NKAIN2: variants seen among roughly 807,000 people sequenced by gnomAD.
NKAIN2 encodes the protein sodium/potassium-transporting ATPase subunit beta-1-interacting protein 2.
Under a neutral mutation model 32.6 loss-of-function variants are expected in NKAIN2, and 14 were observed. The observed-to-expected ratio is 0.43, with a 90% CI of 0.28 to 0.67. The LOEUF (loss-of-function observed/expected upper bound fraction) is 0.67, where lower values mean the gene tolerates loss of function less well. Among genes scored for constraint, NKAIN2 ranks in the 30% least tolerant of loss-of-function variants. The pLI is 0.17. For synonymous variants in NKAIN2, 80 were observed against 87.2 expected (o/e 0.92, Z 0.46); for missense variants, 198 against 258.3 (o/e 0.77, Z 1.60).
chr6:124,779,314 GGGA>G (rs1779144932), intron 4 of NKAIN2, among the ~76,000 whole-genome samples: 1 of 79,556 alleles, frequency 1.3e-5, no homozygotes, highest in African/African-American at 6.3e-5. Flanking sequence ...GAGGGAGGGA[GGGA>G]GGGAAGGAAG....
Position 124,823,395 on chromosome 6 carries a change from CACA to C in NKAIN2, c.*167_*169del. 1.5e-6 allele frequency: 1 copy of C among 648,532 alleles called. No individual in the cohort carries two copies. Among genetic ancestry groups the C allele is most frequent in the Non-Finnish European group, 2.8e-6 (1 of 359,918 alleles). The allele number at this position is 648,532 out of a possible 1,614,324, so 40.2% of individuals were successfully genotyped here. A position where few individuals can be genotyped will look rare whatever the true frequency, so the allele number is the denominator to read the frequency against. On this transcript the variant is annotated 3_prime_UTR_variant, in exon 7 of 7. Transcript: ENST00000368417. ...TACAACACTGACACACACACACACACACACGTGAGCACGCACACACCAATTCCA... is the reference window on the plus strand; with the variant it reads ...TACAACACTGACACACACACACACACCGTGAGCACGCACACACCAATTCCA...
intron 1 of NKAIN2, among the ~76,000 whole-genome samples, chr6:123,918,878 T>G (rs553431996): frequency 6.6e-6 from 1 of 152,164 alleles, no homozygotes; most frequent in Non-Finnish European, 1.5e-5. Flanking sequence ...CCGTGTTTAC[T>G]TCTAGGTAAA....
intron 1 of NKAIN2, among the ~76,000 whole-genome samples, chr6:124,018,228 G>A (rs2114752869): frequency 6.6e-6 from 1 of 152,254 alleles, no homozygotes; most frequent in Admixed American, 6.5e-5. Context: ...AGGACTCAAA[G>A]TCCCTAGGCT....
intron 1 of NKAIN2, among the ~76,000 whole-genome samples, chr6:124,127,974 G>C (rs894074297): frequency 2.0e-5 from 3 of 152,102 alleles, no homozygotes; most frequent in Admixed American, 2.0e-4. Context: ...TTATAGGCAA[G>C]TGCCACCATG....
At chr6:124,257,809 A>G (rs1391085107) in intron 1 of NKAIN2, among the ~76,000 whole-genome samples, 1 of 127,814 alleles carries the variant, frequency 7.8e-6, no homozygotes, top group East Asian at 2.2e-4. Context: ...ACGGGGTTTC[A>G]CTCTTGTTGC....
intron 2 of NKAIN2, among the ~76,000 whole-genome samples, chr6:124,323,290 T>G (rs1356643599): frequency 6.6e-6 from 1 of 152,190 alleles, no homozygotes; most frequent in Non-Finnish European, 1.5e-5. Flanking sequence ...AAATCCAGTT[T>G]ATCAGTTTTT....
intron 1 of NKAIN2, among the ~76,000 whole-genome samples, chr6:123,821,968 ATAT>A (rs1318263286): frequency 1.4e-5 from 2 of 143,424 alleles, no homozygotes; most frequent in Non-Finnish European, 3.0e-5. Context: ...ATCCATTTTT[ATAT>A]TGATGACTTT....
chr6:124,328,920 G>A (rs1417972296), intron 2 of NKAIN2, among the ~76,000 whole-genome samples: 3 of 152,132 alleles, frequency 2.0e-5, no homozygotes, highest in Non-Finnish European at 2.9e-5. Flanking sequence ...TTTACACTCC[G>A]TGGACCCACT....
intron 1 of NKAIN2, among the ~76,000 whole-genome samples, chr6:124,160,387 A>T (rs950113725): frequency 6.6e-6 from 1 of 152,166 alleles, no homozygotes; most frequent in Non-Finnish European, 1.5e-5. Flanking sequence ...GTAAAAACGT[A>T]TTCAGGTTTT....
chr6:124,039,140 A>G (rs1199231222), intron 1 of NKAIN2, among the ~76,000 whole-genome samples: 4 of 152,118 alleles, frequency 2.6e-5, no homozygotes, highest in African/African-American at 9.6e-5. Context: ...ACAAATACAC[A>G]CAAGGTTGCT....
At chr6:124,334,551 G>A (rs957230472) in intron 2 of NKAIN2, among the ~76,000 whole-genome samples, 4 of 40,014 alleles carry the variant, frequency 1.0e-4, no homozygotes, top group South Asian at 1.5e-3. Flanking sequence ...GTCGGTTCCT[G>A]GTGGGGGGCA....
intron 1 of NKAIN2, among the ~76,000 whole-genome samples, chr6:124,060,394 A>G (rs1156453208): frequency 1.3e-5 from 2 of 152,124 alleles, no homozygotes; most frequent in African/African-American, 4.8e-5. Context: ...TCTTGTATAT[A>G]CCACGTCCTC....
intron 1 of NKAIN2, among the ~76,000 whole-genome samples, chr6:124,240,416 A>G (rs1793019296): frequency 6.6e-6 from 1 of 152,180 alleles, no homozygotes; most frequent in Non-Finnish European, 1.5e-5. Context: ...TTATCCTGAT[A>G]TCAAAACCCG....
chr6:124,257,545 G>A (rs1405936158), intron 1 of NKAIN2, among the ~76,000 whole-genome samples: 1 of 151,988 alleles, frequency 6.6e-6, no homozygotes, highest in Non-Finnish European at 1.5e-5. Context: ...CAATTTTTCT[G>A]AACAATTTAT....
chr6:123,939,053 A>C (rs1038067002), intron 1 of NKAIN2, among the ~76,000 whole-genome samples: 4 of 151,974 alleles, frequency 2.6e-5, no homozygotes, highest in Non-Finnish European at 4.4e-5. Flanking sequence ...TTCAGAACAG[A>C]TTACGAGTCA....
chr6:124,467,308 A>C (rs1443924547), intron 3 of NKAIN2, among the ~76,000 whole-genome samples: 1 of 152,154 alleles, frequency 6.6e-6, no homozygotes, highest in Non-Finnish European at 1.5e-5. Context: ...CATCAGGAAG[A>C]AAAATTAGTT....
chr6:124,825,394 A>AG lies in NKAIN2; in HGVS notation c.*2166dup, dbSNP rs1781545622. The AG allele has an allele frequency of 6.6e-6, 1 of 152,652 alleles. No homozygotes were observed. The highest frequency in any genetic ancestry group is 1.5e-5 in the Non-Finnish European group (1 of 68,026). The allele number at this position is 152,652 out of a possible 1,614,324, so 9.5% of individuals were successfully genotyped here. ...GGTCATTTATGGGATCAGTAAGCAC[A>AG]GTAGTGTGATTATATCTGGGAAAAC... On this transcript the variant is annotated 3_prime_UTR_variant, in exon 7 of 7. Coordinates refer to ENST00000368417, the MANE Select transcript of NKAIN2 (RefSeq NM_001040214.3).
chr6:124,529,409 C>A (rs565223099), intron 3 of NKAIN2, among the ~76,000 whole-genome samples: 9 of 152,284 alleles, frequency 5.9e-5, no homozygotes, highest in Admixed American at 3.3e-4. Context: ...AATAACCCAG[C>A]GAACAAAAAC....
At chr6:124,552,062 G>A (rs149580098) in intron 3 of NKAIN2, among the ~76,000 whole-genome samples, 71 of 152,250 alleles carry the variant, frequency 4.7e-4, no homozygotes, top group African/African-American at 1.6e-3. Flanking sequence ...CCCTCTGCAC[G>A]GTGGACTTGG....
Sources: allele counts gnomAD v4.1 joint callset (sites outside exome capture counted in the v4.1 genomes callset), GRCh38; gene constraint gnomAD v4.1.1; transcripts MANE v1.5; gene names NCBI Gene and HGNC (gene_info 2026-07-23, HGNC 2026-07-21).